Variants in PRPF3 observed in about 807,000 individuals in gnomAD.
The protein encoded by PRPF3 is pre-mRNA processing factor 3, also known as U4/U6 small nuclear ribonucleoprotein Prp3.
A neutral mutation model predicts 89.2 loss-of-function variants in PRPF3; 3 were observed. The ratio of observed to expected loss-of-function variants is 0.03; its 90% CI spans 0.02 to 0.09. The LOEUF is 0.09. Ranked by LOEUF, PRPF3 falls within the 10% of genes least tolerant of loss-of-function variation. The probability of loss-of-function intolerance (pLI) is 1.00; values close to 1 mark genes in which losing one functional copy is unlikely to be tolerated. For missense variants in PRPF3, 463 were observed against 828.8 expected (o/e 0.56, Z 5.42); for synonymous variants, 270 against 289.1 (o/e 0.93, Z 0.67).
intron 1 of PRPF3, among the ~76,000 whole-genome samples, chr1:150,324,649 A>T (rs1224057528): frequency 1.3e-5 from 2 of 149,694 alleles, no homozygotes; most frequent in Admixed American, 1.3e-4. Flanking sequence ...CTCCCTGGTT[A>T]TTCCCCTGCC....
chr1:150,341,959 T>G (rs1312063361), intron 9 of PRPF3, among the ~76,000 whole-genome samples: 1 of 146,178 alleles, frequency 6.8e-6, no homozygotes, highest in Non-Finnish European at 1.5e-5. Context: ...CCACCTAGGC[T>G]TCCCAAAGTG....
intron 8 of PRPF3, 141 bp downstream of exon 8, chr1:150,338,467 A>G: frequency 1.2e-6 from 1 of 817,498 alleles, no homozygotes; most frequent in South Asian, 1.6e-5. Context: ...TAAATCCAAG[A>G]GAGATAAGTA....
chr1:150,329,217 A>G (rs1553864760), intron 4 of PRPF3, among the ~76,000 whole-genome samples: 1 of 151,810 alleles, frequency 6.6e-6, no homozygotes, highest in African/African-American at 2.4e-5. Context: ...TTTAGTACAG[A>G]TGGTATTTTG....
At chr1:150,336,257 C>T (rs932523322) in intron 7 of PRPF3, among the ~76,000 whole-genome samples, 2 of 152,110 alleles carry the variant, frequency 1.3e-5, no homozygotes, top group Admixed American at 1.3e-4. Context: ...CTCACATGTA[C>T]AGTTCACAAT....
At chr1:150,332,597 C>T in intron 4 of PRPF3, 87 bp from the exon 5 acceptor site, 1 of 1,272,524 alleles carries the variant, frequency 7.9e-7, no homozygotes, top group African/African-American at 1.5e-5. Flanking sequence ...AGTGTCTAGA[C>T]CTGAGAGCCT....
chr1:150,327,085 T>TTC (rs1202113263), intron 3 of PRPF3, among the ~76,000 whole-genome samples: 9 of 144,958 alleles, frequency 6.2e-5, no homozygotes, highest in Non-Finnish European at 1.1e-4. Flanking sequence ...TTTTTTTTTC[T>TTC]AAGGGTGAGT....
At chr1:150,351,808 C>T (rs11587682) in intron 15 of PRPF3, among the ~76,000 whole-genome samples, 12,426 of 151,746 alleles carry the variant, frequency 0.082, 677 homozygotes, top group Non-Finnish European at 0.12. Flanking sequence ...CTGTGCCCAG[C>T]CCTACCTTCA....
intron 8 of PRPF3, among the ~76,000 whole-genome samples, chr1:150,338,578 G>C (rs1269877822): frequency 6.9e-6 from 1 of 144,976 alleles, no homozygotes; most frequent in Admixed American, 7.3e-5. Context: ...TCAGCTCACT[G>C]CAACCTCCAC....
Position 150,321,545 on chromosome 1 carries a change from G to C in PRPF3, c.-96G>C, listed in dbSNP as rs1475506488. The C allele has an allele frequency of 6.5e-6, 1 of 152,774 alleles. No individual in the cohort carries two copies. The highest frequency in any genetic ancestry group is 1.5e-5 in the Non-Finnish European group (1 of 68,170). The allele number at this position is 152,774 out of a possible 1,614,324, so 9.5% of individuals were successfully genotyped here. ...CCGTAGGGCGGTCAGAAGGTTTCCG[G>C]TTCCGGTGTAACGTTCGGGCTCCGT... On this transcript the variant is annotated 5_prime_UTR_variant, in exon 1 of 16. Transcript: ENST00000324862.
chr1:150,340,932 C>G (rs1174164212), intron 9 of PRPF3, among the ~76,000 whole-genome samples: 1 of 151,216 alleles, frequency 6.6e-6, no homozygotes, highest in African/African-American at 2.4e-5. Flanking sequence ...ATGGCAAAAC[C>G]CCATCTCTAC....
chr1:150,337,283 C>T (rs1324941250), intron 7 of PRPF3, among the ~76,000 whole-genome samples: 2 of 151,806 alleles, frequency 1.3e-5, no homozygotes. Flanking sequence ...TCATGATCCT[C>T]CCGCCTCGGC....
intron 7 of PRPF3, among the ~76,000 whole-genome samples, chr1:150,335,653 C>G (rs1029398423): frequency 2.0e-5 from 3 of 151,316 alleles, no homozygotes; most frequent in Non-Finnish European, 2.9e-5. Flanking sequence ...TTGGTGGAGA[C>G]GGGGTTTCTC....
chr1:150,335,175 G>A lies in PRPF3; in HGVS notation c.969G>A (p.Gln323=), dbSNP rs1553866988. ...PRVSIAPSQR[Q]RRTFKFHDKG... The stretch of plus-strand genomic sequence containing the variant: ...TCTCCATTGCCCCTTCCCAGCGCCA[G>A]AGACGCACTTTTAAATTCCATGACA... The change falls in exon 7 of 16, where the codon CAG becomes CAA. Residue 323 remains glutamine (Q), a synonymous_variant. Transcript: ENST00000324862. 6.2e-7 allele frequency: 1 copy of A among 1,614,126 alleles called. No individual in the cohort carries two copies. The highest frequency in any genetic ancestry group is 8.5e-7 in the Non-Finnish European group (1 of 1,180,020).
intron 14 of PRPF3, among the ~76,000 whole-genome samples, chr1:150,347,621 G>A (rs920248516): frequency 9.2e-5 from 14 of 151,872 alleles, no homozygotes; most frequent in African/African-American, 1.7e-4. Context: ...CCAGCTACTC[G>A]GGAGGCTGAG....
At chr1:150,326,147 A>G (rs1655684316) in intron 3 of PRPF3, among the ~76,000 whole-genome samples, 1 of 151,780 alleles carries the variant, frequency 6.6e-6, no homozygotes, top group Non-Finnish European at 1.5e-5. Flanking sequence ...GTTTCTCCAT[A>G]TTTCCTTTTT....
chr1:150,349,222 G>A lies in PRPF3; in HGVS notation c.1905+4G>A, dbSNP rs1553873796. 6.2e-7 allele frequency: 1 copy of A among 1,612,114 alleles called. No homozygotes were observed. The highest frequency in any genetic ancestry group is 1.1e-5 in the South Asian group (1 of 91,034). On this transcript the variant is annotated splice_donor_region_variant and intron_variant, in intron 15 of 15. Transcript: ENST00000324862. ...CAAATGTGTACTAGTCTGGGAGGTA[G>A]GTGATCCTTTGTAAAACATTGTAAA...
At chr1:150,327,881 A>G (rs945739147) in intron 3 of PRPF3, 5 of 183,226 alleles carry the variant, frequency 2.7e-5, no homozygotes, top group African/African-American at 1.2e-4. Flanking sequence ...CAAACAGAAT[A>G]TCAACAATGT....
At chr1:150,339,211 A>T (rs929063512) in intron 8 of PRPF3, among the ~76,000 whole-genome samples, 3 of 136,548 alleles carry the variant, frequency 2.2e-5, no homozygotes, top group African/African-American at 5.4e-5. Flanking sequence ...TACAAAGATT[A>T]AAAAAAAAAA....
chr1:150,342,153 G>A (rs587728023), intron 9 of PRPF3, among the ~76,000 whole-genome samples: 54 of 151,860 alleles, frequency 3.6e-4, no homozygotes, highest in Non-Finnish European at 6.0e-4. Context: ...AGGCCGAGGC[G>A]GGCAGATCAC....
Sources: allele counts gnomAD v4.1 joint callset (sites outside exome capture counted in the v4.1 genomes callset), GRCh38; gene constraint gnomAD v4.1.1; transcripts MANE v1.5; gene names NCBI Gene and HGNC (gene_info 2026-07-23, HGNC 2026-07-21).